Variants in NDST3 observed in about 807,000 individuals in gnomAD.
NDST3 encodes bifunctional heparan sulfate N-deacetylase/N-sulfotransferase 3.
Under a neutral mutation model 96.1 loss-of-function variants are expected in NDST3, and 58 were observed. That is an observed-to-expected ratio of 0.60 (90% CI 0.49 to 0.75). The LOEUF (loss-of-function observed/expected upper bound fraction) is 0.75. NDST3 is among the 30% of genes least tolerant of loss of function. NDST3 has a pLI of 0.00. For synonymous variants in NDST3, 333 were observed against 359.7 expected (o/e 0.93, Z 0.84); for missense variants, 788 against 1,034.2 (o/e 0.76, Z 3.27).
intron 3 of NDST3, among the ~76,000 whole-genome samples, chr4:118,112,856 G>A (rs1730752452): frequency 1.3e-5 from 2 of 152,078 alleles, no homozygotes; most frequent in South Asian, 4.1e-4. Flanking sequence ...CCACTCAGAA[G>A]CGCCAAGAAT....
chr4:118,194,188 C>T (rs1737511222), intron 6 of NDST3: 2 of 771,864 alleles, frequency 2.6e-6, no homozygotes, highest in African/African-American at 3.4e-5. Flanking sequence ...AAGGCAGATC[C>T]AGATTCTCCT....
chr4:118,187,003 T>C (rs1737007266), intron 6 of NDST3, among the ~76,000 whole-genome samples: 1 of 152,286 alleles, frequency 6.6e-6, no homozygotes. Flanking sequence ...ATGAGGAGGA[T>C]AATACCAAGA....
chr4:118,247,465 T>C (rs939616961), intron 12 of NDST3, among the ~76,000 whole-genome samples: 2 of 151,886 alleles, frequency 1.3e-5, no homozygotes, highest in Admixed American at 6.6e-5. Context: ...GGCAGGAGAA[T>C]TGCTTGAACC....
chr4:118,231,466 A>T (rs982377232), intron 8 of NDST3, among the ~76,000 whole-genome samples: 2 of 150,994 alleles, frequency 1.3e-5, no homozygotes, highest in Non-Finnish European at 3.0e-5. Flanking sequence ...TACTATTAAT[A>T]ATACCATATT....
intron 2 of NDST3, among the ~76,000 whole-genome samples, chr4:118,074,015 A>T (rs1272407751): frequency 6.6e-6 from 1 of 152,068 alleles, no homozygotes; most frequent in Admixed American, 6.6e-5. Context: ...CTAATTTCTG[A>T]CTTAATTTCA....
intron 8 of NDST3, among the ~76,000 whole-genome samples, chr4:118,227,607 C>T (rs1326520795): frequency 2.8e-5 from 3 of 106,116 alleles, no homozygotes; most frequent in South Asian, 3.4e-4. Context: ...TCACCATAAA[C>T]TTTTTTTTTT....
intron 9 of NDST3, among the ~76,000 whole-genome samples, chr4:118,235,888 A>G (rs992868368): frequency 6.6e-6 from 1 of 152,214 alleles, no homozygotes; most frequent in Non-Finnish European, 1.5e-5. Context: ...GAATCTCAAG[A>G]TATCACTGTG....
At chr4:118,074,750 T>C (rs931151301) in intron 2 of NDST3, among the ~76,000 whole-genome samples, 1 of 152,170 alleles carries the variant, frequency 6.6e-6, no homozygotes, top group Non-Finnish European at 1.5e-5. Flanking sequence ...TCAAGGTTAA[T>C]ACTGATATGT....
intron 6 of NDST3, among the ~76,000 whole-genome samples, chr4:118,199,267 CTGACTG>C (rs1737907399): frequency 1.3e-5 from 2 of 152,192 alleles, no homozygotes; most frequent in Admixed American, 6.5e-5. Context: ...TTTGTCTCCT[CTGACTG>C]TATTTTCAAA....
intron 2 of NDST3, among the ~76,000 whole-genome samples, chr4:118,087,846 T>C (rs998338244): frequency 6.6e-6 from 1 of 152,216 alleles, no homozygotes; most frequent in East Asian, 1.9e-4. Context: ...TAGATTTTAG[T>C]GCATGGGAGG....
intron 6 of NDST3, among the ~76,000 whole-genome samples, chr4:118,161,519 C>G (rs908100129): frequency 6.6e-6 from 1 of 152,184 alleles, no homozygotes; most frequent in African/African-American, 2.4e-5. Flanking sequence ...CTGTGGTGGG[C>G]TCCACCCAGT....
chr4:118,044,417 C>T (rs1230126497), intron 1 of NDST3, among the ~76,000 whole-genome samples: 1 of 152,244 alleles, frequency 6.6e-6, no homozygotes, highest in Non-Finnish European at 1.5e-5. Context: ...AGAGACCTCA[C>T]ATGGCATGCC....
At chr4:118,163,723 A>C (rs61243764) in intron 6 of NDST3, among the ~76,000 whole-genome samples, 10,918 of 152,000 alleles carry the variant, frequency 0.072, 882 homozygotes, top group African/African-American at 0.2. Context: ...GCACATTGTG[A>C]ACATATACCC....
At chr4:118,046,679 T>C (rs1724780967) in intron 1 of NDST3, among the ~76,000 whole-genome samples, 1 of 152,116 alleles carries the variant, frequency 6.6e-6, no homozygotes, top group South Asian at 2.1e-4. Flanking sequence ...ACCTGAAGGA[T>C]GGAGCCCCAA....
rs35524586 is a variant in NDST3 at position 118,198,727 on chromosome 4, T to TA, written c.1540-25754dup. Reference sequence around the variant, plus strand: ...AAAGTACTCCCTTTAGCATTTCTTGTAAAAAAAAAAGTCTGATGTTGATGA... The same window carrying TA: ...AAAGTACTCCCTTTAGCATTTCTTGTAAAAAAAAAAAGTCTGATGTTGATGA... On this transcript the variant is annotated intron_variant, in intron 6 of 13. Transcript: ENST00000296499. Among the ~76,000 whole-genome samples the TA allele has an allele frequency of 6.6e-3, 998 of 150,356 alleles. 11 individuals carry two copies. Among genetic ancestry groups the TA allele is most frequent in the African/African-American group, 0.022 (889 of 41,272 alleles).
Position 118,145,932 on chromosome 4 carries a change from T to G in NDST3, c.1539+2248T>G, listed in dbSNP as rs79627371. Among the ~76,000 whole-genome samples the G allele has an allele frequency of 2.8e-4, 43 of 152,264 alleles. 2 individuals carry two copies. In the East Asian group the frequency reaches 8.3e-3, roughly 29 times the overall value. The stretch of plus-strand genomic sequence containing the variant: ...ATTCTACTCACCTGGAAACAAAAGG[T>G]TAAGAAGCCCACATCTGGATTCAGC... On this transcript the variant is annotated intron_variant, in intron 6 of 13. Coordinates refer to ENST00000296499, the MANE Select transcript of NDST3 (RefSeq NM_004784.3).
chr4:118,117,252 C>T (rs1276776196), intron 4 of NDST3, among the ~76,000 whole-genome samples: 1 of 151,956 alleles, frequency 6.6e-6, no homozygotes, highest in African/African-American at 2.4e-5. Context: ...TGAAAGAGCA[C>T]ATATAAATAA....
chr4:118,101,383 C>T, intron 2 of NDST3, among the ~76,000 whole-genome samples: 1 of 120,402 alleles, frequency 8.3e-6, no homozygotes, highest in South Asian at 2.9e-4. Flanking sequence ...AAAAAAAAAA[C>T]TAAGTTAGTG....
At position 118,227,237 on chromosome 4, in the gene NDST3, TTCC is replaced by T. The variant is rs951701150; in HGVS notation, c.1819+256_1819+258del. On this transcript the variant is annotated intron_variant, in intron 8 of 13. Transcript: ENST00000296499. ...AATTTGGTAGCACATGTTTTTTTTT[TTCC>T]CCCCCAAATGTTTTAATTGAAAAGT... Among the ~76,000 whole-genome samples, 753 of 89,916 alleles carry T rather than the reference TTCC, an allele frequency of 8.4e-3. 7 individuals are homozygous for T. In the Middle Eastern group the frequency reaches 0.12, roughly 15 times the overall value. 59.0% of individuals were successfully genotyped at this position (89,916 alleles called of 152,430 possible). A position where few individuals can be genotyped will look rare whatever the true frequency, so the allele number is the denominator to read the frequency against.
Sources: gnomAD v4.1 joint callset for allele counts (sites outside exome capture counted in the v4.1 genomes callset) on GRCh38, gnomAD v4.1.1 for gene constraint, MANE v1.5 for transcripts, NCBI Gene and HGNC (gene_info 2026-07-23, HGNC 2026-07-21) for gene names.